SPMIP11: variants seen among roughly 807,000 people sequenced by gnomAD.
The protein encoded by SPMIP11 is long intergenic non-protein coding RNA 935.
At chr12:48,749,389 G>A in the SPMIP11 span, among the ~76,000 whole-genome samples, 5 of 152,022 alleles carry the variant, frequency 3.3e-5, no homozygotes, top group African/African-American at 1.2e-4. Flanking sequence ...AGCACTTTGG[G>A]TGGCCGAGGC....
chr12:48,770,684 G>A, the SPMIP11 span: 1 of 1,424,648 alleles, frequency 7.0e-7, no homozygotes, highest in African/African-American at 1.4e-5. Flanking sequence ...TGGGAAATCT[G>A]TGATCCCATC....
At chr12:48,764,735 A>C in the SPMIP11 span, 1 of 620,064 alleles carries the variant, frequency 1.6e-6, no homozygotes, top group East Asian at 2.8e-5. Context: ...ACCTCTCAGC[A>C]CCTGGTCCGG....
the SPMIP11 span, chr12:48,770,929 C>T: frequency 6.2e-7 from 1 of 1,614,214 alleles, no homozygotes; most frequent in Admixed American, 1.7e-5. Context: ...TACCAATCGT[C>T]TTGATCTTTT....
the SPMIP11 span, among the ~76,000 whole-genome samples, chr12:48,748,544 T>A: frequency 6.6e-6 from 1 of 151,152 alleles, no homozygotes; most frequent in Non-Finnish European, 1.5e-5. Context: ...AAATTCATGA[T>A]CACCAAACTC....
chr12:48,727,604 C>T, the SPMIP11 span: 1 of 697,274 alleles, frequency 1.4e-6, no homozygotes, highest in East Asian at 2.7e-5. Context: ...CACTTCTTTA[C>T]CTAGATGCTT....
chr12:48,756,530 G>A, the SPMIP11 span, among the ~76,000 whole-genome samples: 1 of 152,066 alleles, frequency 6.6e-6, no homozygotes, highest in Non-Finnish European at 1.5e-5. Flanking sequence ...GGCCAAGCCA[G>A]GAAGAAAAGA....
At chr12:48,737,570 A>G in the SPMIP11 span, among the ~76,000 whole-genome samples, 3 of 151,688 alleles carry the variant, frequency 2.0e-5, no homozygotes, top group South Asian at 4.2e-4. Flanking sequence ...ACCTGCAACC[A>G]TGTCTGGCTG....
the SPMIP11 span, among the ~76,000 whole-genome samples, chr12:48,746,168 A>G: frequency 9.3e-4 from 141 of 152,260 alleles, 1 homozygote; most frequent in East Asian, 0.022. Flanking sequence ...GAAGTCCTAA[A>G]CTGCTGGCCT....
At chr12:48,746,747 C>T in the SPMIP11 span, among the ~76,000 whole-genome samples, 7 of 151,948 alleles carry the variant, frequency 4.6e-5, no homozygotes, top group East Asian at 1.2e-3. Context: ...ATGGCGAAAC[C>T]CTGTCTCTAC....
chr12:48,763,658 T>C, the SPMIP11 span, among the ~76,000 whole-genome samples: 25 of 151,846 alleles, frequency 1.6e-4, no homozygotes, highest in African/African-American at 5.8e-4. Flanking sequence ...GAATTAGACT[T>C]ATCCAAATAA....
At chr12:48,751,121 T>C in the SPMIP11 span, among the ~76,000 whole-genome samples, 1 of 152,310 alleles carries the variant, frequency 6.6e-6, no homozygotes, top group Middle Eastern at 3.4e-3. Context: ...GTATTAACAT[T>C]CAACTCAAAA....
At chr12:48,735,953 A>C in the SPMIP11 span, 1 of 189,710 alleles carries the variant, frequency 5.3e-6, no homozygotes, top group African/African-American at 2.4e-5. Context: ...TAAATTTATA[A>C]TTTGTGATGC....
chr12:48,770,196 G>A, the SPMIP11 span, among the ~76,000 whole-genome samples: 5 of 151,184 alleles, frequency 3.3e-5, no homozygotes, highest in African/African-American at 9.7e-5. Context: ...GATCCACCGC[G>A]CCCGGCATGG....
chr12:48,731,138 T>C, the SPMIP11 span, among the ~76,000 whole-genome samples: 1 of 152,292 alleles, frequency 6.6e-6, no homozygotes, highest in Non-Finnish European at 1.5e-5. Flanking sequence ...ATGGTCAGCC[T>C]TTCTAGGTGA....
chr12:48,757,810 A>G, the SPMIP11 span, among the ~76,000 whole-genome samples: 5 of 151,996 alleles, frequency 3.3e-5, no homozygotes, highest in South Asian at 4.1e-4. Context: ...CCTGGCCAAC[A>G]TGGTGAAACC....
chr12:48,746,768 A>G, the SPMIP11 span, among the ~76,000 whole-genome samples: 1 of 151,996 alleles, frequency 6.6e-6, no homozygotes, highest in Non-Finnish European at 1.5e-5. Flanking sequence ...TGAAAATACA[A>G]AAATTAGCTG....
At chr12:48,737,704 C>T in the SPMIP11 span, among the ~76,000 whole-genome samples, 107 of 152,144 alleles carry the variant, frequency 7.0e-4, no homozygotes, top group African/African-American at 2.5e-3. Flanking sequence ...CGTGAGCCAC[C>T]GTGCCCAGCC....
chr12:48,744,125 G>A, the SPMIP11 span, among the ~76,000 whole-genome samples: 1 of 151,204 alleles, frequency 6.6e-6, no homozygotes, highest in Non-Finnish European at 1.5e-5. Flanking sequence ...GAGCATGCCT[G>A]TAATCCCAGC....
chr12:48,760,621 T>G, the SPMIP11 span, among the ~76,000 whole-genome samples: 1 of 151,900 alleles, frequency 6.6e-6, no homozygotes, highest in Non-Finnish European at 1.5e-5. Flanking sequence ...CCGCCTCCCT[T>G]GTTCAAGTGA....
Sources: allele counts gnomAD v4.1 joint callset (sites outside exome capture counted in the v4.1 genomes callset), GRCh38; gene constraint gnomAD v4.1.1; transcripts MANE v1.5; gene names NCBI Gene and HGNC (gene_info 2026-07-23, HGNC 2026-07-21).